Variants in PDSS2 observed in about 807,000 individuals in gnomAD.
PDSS2 encodes decaprenyl diphosphate synthase subunit 2, also known as all trans-polyprenyl-diphosphate synthase PDSS2.
A neutral mutation model predicts 44.5 loss-of-function variants in PDSS2; 31 were observed. That is an observed-to-expected ratio of 0.70 (90% CI 0.52 to 0.94). The LOEUF is 0.94. Among genes scored for constraint, PDSS2 ranks in the 40% least tolerant of loss-of-function variants. PDSS2 has a pLI of 0.00. For missense variants in PDSS2, 452 were observed against 482.2 expected (o/e 0.94, Z 0.59); for synonymous variants, 157 against 180.3 (o/e 0.87, Z 1.03).
At position 107,396,678 on chromosome 6, in the gene PDSS2, C is replaced by CTTTTTTTTTTTTTTT. The variant is rs950671310; in HGVS notation, c.296+62297_296+62311dup. Among the ~76,000 whole-genome samples the CTTTTTTTTTTTTTTT allele has an allele frequency of 4.5e-4, 36 of 79,350 alleles. 1 individual carries two copies. Among genetic ancestry groups the CTTTTTTTTTTTTTTT allele is most frequent in the African/African-American group, 7.5e-4 (17 of 22,534 alleles). 52.1% of individuals were successfully genotyped at this position (79,350 alleles called of 152,430 possible). ...CTTTCTTTTTTTCCTCTTCTTTTTTCTTTTTTTTTTTTTTTTTTTTTTGAG... is the reference window on the plus strand; with the variant it reads ...CTTTCTTTTTTTCCTCTTCTTTTTTCTTTTTTTTTTTTTTTTTTTTTTTTTTTTTTTTTTTTTGAG... On this transcript the variant is annotated intron_variant, in intron 1 of 7. Transcript: ENST00000369037.
chr6:107,377,387 C>T (rs1779318252), intron 1 of PDSS2, among the ~76,000 whole-genome samples: 1 of 152,154 alleles, frequency 6.6e-6, no homozygotes, highest in South Asian at 2.1e-4. Context: ...CAGGAAACAA[C>T]AGGTGCTGGA....
intron 2 of PDSS2, among the ~76,000 whole-genome samples, chr6:107,283,408 T>C (rs981219101): frequency 2.0e-5 from 3 of 152,094 alleles, no homozygotes; most frequent in African/African-American, 7.2e-5. Context: ...ATGTTCTGCA[T>C]TTAAGTTGAT....
At chr6:107,336,372 C>T (rs1471305431) in intron 1 of PDSS2, among the ~76,000 whole-genome samples, 2 of 151,606 alleles carry the variant, frequency 1.3e-5, no homozygotes, top group Non-Finnish European at 2.9e-5. Context: ...TCATTAGGTT[C>T]TCTGCAAAGT....
intron 6 of PDSS2, among the ~76,000 whole-genome samples, chr6:107,196,866 T>C (rs1288914292): frequency 6.6e-6 from 1 of 152,186 alleles, no homozygotes; most frequent in Admixed American, 6.5e-5. Context: ...CATACCTATG[T>C]AATGAAGCTT....
chr6:107,296,251 T>C (rs1165632227), intron 2 of PDSS2, among the ~76,000 whole-genome samples: 1 of 152,192 alleles, frequency 6.6e-6, no homozygotes, highest in African/African-American at 2.4e-5. Context: ...GTCCTGAGCC[T>C]TTCCTTTGTC....
At chr6:107,458,519 T>A (rs2114898778) in intron 1 of PDSS2, among the ~76,000 whole-genome samples, 1 of 149,576 alleles carries the variant, frequency 6.7e-6, no homozygotes, top group Non-Finnish European at 1.5e-5. Flanking sequence ...ACTAACGGGA[T>A]AAATTCCTAC....
chr6:107,340,221 GGT>G (rs1778039541), intron 1 of PDSS2, among the ~76,000 whole-genome samples: 3 of 152,068 alleles, frequency 2.0e-5, no homozygotes, highest in Admixed American at 2.0e-4. Context: ...TTGAATTTTA[GGT>G]GGGGAGATCT....
intron 6 of PDSS2, among the ~76,000 whole-genome samples, chr6:107,207,687 G>A (rs1440492611): frequency 7.3e-6 from 1 of 136,982 alleles, no homozygotes; most frequent in Non-Finnish European, 1.5e-5. Context: ...TCAGCTCACT[G>A]CAACCTCTGC....
intron 4 of PDSS2, among the ~76,000 whole-genome samples, chr6:107,221,604 A>G (rs776836313): frequency 6.6e-6 from 1 of 152,126 alleles, no homozygotes; most frequent in East Asian, 1.9e-4. Flanking sequence ...GCTGGTTCAA[A>G]TAACATGGGA....
At chr6:107,407,690 T>C (rs1780363612) in intron 1 of PDSS2, among the ~76,000 whole-genome samples, 1 of 152,180 alleles carries the variant, frequency 6.6e-6, no homozygotes, top group African/African-American at 2.4e-5. Context: ...TGAGTAGTAC[T>C]TATTACTAGC....
rs143609761 is a variant in PDSS2, at chr6:107,384,289, A to G, written c.297-49957T>C. 3.4e-3 allele frequency among the ~76,000 whole-genome samples: 516 copies of G among 152,272 alleles called. 1 individual carries two copies. Among genetic ancestry groups the G allele is most frequent in the Non-Finnish European group, 5.6e-3 (384 of 68,008 alleles). On this transcript the variant is annotated intron_variant, in intron 1 of 7. Coordinates refer to ENST00000369037, the MANE Select transcript of PDSS2 (RefSeq NM_020381.4). ...CCGAGGTTTTTTTGAGGGGAGTGGT[A>G]GAAATGTCCTAAAATTAGATAGTGG...
intron 2 of PDSS2, among the ~76,000 whole-genome samples, chr6:107,318,342 G>T (rs1457061652): frequency 6.6e-6 from 1 of 152,132 alleles, no homozygotes; most frequent in Non-Finnish European, 1.5e-5. Context: ...GGAGAGCAGT[G>T]CTAGGCACCC....
chr6:107,174,057 C>T (rs536260667), intron 7 of PDSS2, among the ~76,000 whole-genome samples: 17 of 152,220 alleles, frequency 1.1e-4, no homozygotes, highest in South Asian at 1.0e-3. Flanking sequence ...TCACAGCACA[C>T]GGACGGTCAA....
chr6:107,335,161 C>CAAAAAA (rs765731620), intron 1 of PDSS2, among the ~76,000 whole-genome samples: 1 of 64,156 alleles, frequency 1.6e-5, no homozygotes, highest in Non-Finnish European at 3.2e-5. Flanking sequence ...ACTCTGTTTC[C>CAAAAAA]AAAAAAAAAA....
chr6:107,168,275 TTTTA>T (rs1367437234), intron 7 of PDSS2, among the ~76,000 whole-genome samples: 1 of 152,202 alleles, frequency 6.6e-6, no homozygotes, highest in African/African-American at 2.4e-5. Context: ...TTAAAGTCTG[TTTTA>T]TCAGAGACTA....
At chr6:107,161,339 G>A (rs2114283828) in intron 7 of PDSS2, among the ~76,000 whole-genome samples, 1 of 152,120 alleles carries the variant, frequency 6.6e-6, no homozygotes, top group African/African-American at 2.4e-5. Context: ...AATTAGCCAG[G>A]CGTGGTGCCG....
chr6:107,380,535 C>G (rs960515140), intron 1 of PDSS2, among the ~76,000 whole-genome samples: 1 of 152,170 alleles, frequency 6.6e-6, no homozygotes, highest in African/African-American at 2.4e-5. Flanking sequence ...TTTCCCAGAT[C>G]TTCAACTTTG....
chr6:107,269,656 G>T (rs9486574), intron 3 of PDSS2, among the ~76,000 whole-genome samples: 10,782 of 151,780 alleles, frequency 0.071, 678 homozygotes, highest in African/African-American at 0.17. Context: ...ATTATTATTA[G>T]TAGTAGTAGT....
intron 1 of PDSS2, among the ~76,000 whole-genome samples, chr6:107,447,876 G>A (rs904489624): frequency 6.6e-6 from 1 of 152,210 alleles, no homozygotes; most frequent in South Asian, 2.1e-4. Flanking sequence ...TGGACATCCA[G>A]GAATTTCCAT....
Sources: gnomAD v4.1 joint callset for allele counts (sites outside exome capture counted in the v4.1 genomes callset) on GRCh38, gnomAD v4.1.1 for gene constraint, MANE v1.5 for transcripts, NCBI Gene and HGNC (gene_info 2026-07-23, HGNC 2026-07-21) for gene names.